The following NCOR1 variants were observed in gnomAD, a reference collection of about 807,000 sequenced individuals.
NCOR1 encodes the protein protein phosphatase 1, regulatory subunit 109.
In NCOR1, 63 loss-of-function variants were observed where a neutral mutation model predicts 288.1. That is an observed-to-expected ratio of 0.22 (90% CI 0.18 to 0.27). The LOEUF (loss-of-function observed/expected upper bound fraction) is 0.27, where lower values mean the gene tolerates loss of function less well. NCOR1 is among the 10% of genes least tolerant of loss of function. The pLI, the probability that NCOR1 is intolerant of heterozygous loss-of-function variation, is 1.00. For synonymous variants in NCOR1, 1,007 were observed against 1,065.9 expected (o/e 0.94, Z 1.08); for missense variants, 2,397 against 3,019.2 (o/e 0.79, Z 4.83).
At chr17:16,047,896 C>G (rs1287792834) in intron 41 of NCOR1, among the ~76,000 whole-genome samples, 1 of 152,114 alleles carries the variant, frequency 6.6e-6, no homozygotes, top group Non-Finnish European at 1.5e-5. Flanking sequence ...TCCCTGTCCT[C>G]AAAACACTCA....
At chr17:16,155,279 A>G (rs1470481307) in intron 6 of NCOR1, among the ~76,000 whole-genome samples, 5 of 146,672 alleles carry the variant, frequency 3.4e-5, no homozygotes, top group Non-Finnish European at 1.5e-5. Flanking sequence ...TGAACCCGGG[A>G]GGTGGAGGTT....
chr17:16,060,249 A>C (rs2060405001), intron 37 of NCOR1, among the ~76,000 whole-genome samples: 1 of 152,254 alleles, frequency 6.6e-6, no homozygotes, highest in African/African-American at 2.4e-5. Context: ...ATGGACACTC[A>C]GAAAAGATGA....
At chr17:16,076,764 A>G (rs1598269928) in intron 26 of NCOR1, among the ~76,000 whole-genome samples, 2 of 152,124 alleles carry the variant, frequency 1.3e-5, no homozygotes, top group Non-Finnish European at 2.9e-5. Flanking sequence ...GCTCCAAAAC[A>G]CTTCCCAAAG....
intron 4 of NCOR1, among the ~76,000 whole-genome samples, chr17:16,168,884 T>C (rs1253317119): frequency 6.6e-6 from 1 of 151,648 alleles, no homozygotes; most frequent in Non-Finnish European, 1.5e-5. Context: ...GGCAGGAGAA[T>C]TGCTGGGAGG....
chr17:16,036,133 T>G (rs927206919), intron 44 of NCOR1, among the ~76,000 whole-genome samples: 1 of 152,256 alleles, frequency 6.6e-6, no homozygotes, highest in Non-Finnish European at 1.5e-5. Context: ...AATTATTCCT[T>G]GATCCATGGG....
chr17:16,118,372 C>T (rs1358349779), intron 17 of NCOR1, among the ~76,000 whole-genome samples: 1 of 152,066 alleles, frequency 6.6e-6, no homozygotes, highest in Non-Finnish European at 1.5e-5. Context: ...GATCTCTGGA[C>T]ACAATATATC....
intron 14 of NCOR1, among the ~76,000 whole-genome samples, chr17:16,127,597 G>A (rs1201980979): frequency 7.3e-6 from 1 of 136,210 alleles, no homozygotes; most frequent in African/African-American, 2.8e-5. Flanking sequence ...ATATATGTAT[G>A]TATACATACA....
rs182651791 is a variant in NCOR1 at position 16,087,177 on chromosome 17, G to A, written c.3017-735C>T. 13 of 1,303,680 alleles carry A rather than the reference G, an allele frequency of 1.0e-5. No homozygotes were observed. In the African/African-American group the frequency reaches 1.1e-4, roughly 11 times the overall value. 80.8% of individuals were successfully genotyped at this position (1,303,680 alleles called of 1,614,324 possible). On this transcript the variant is annotated intron_variant, in intron 22 of 45. Coordinates refer to ENST00000268712, the MANE Select transcript of NCOR1 (RefSeq NM_006311.4). ...CACAGAGGAGTGATATTTACCTGGC[G>A]GGACACTATAGCGGGCTGCACTCAT...
At chr17:16,148,541 C>A (rs2078336112) in intron 9 of NCOR1, among the ~76,000 whole-genome samples, 1 of 151,604 alleles carries the variant, frequency 6.6e-6, no homozygotes. Context: ...AAAATACAAA[C>A]CTTACAGTGT....
chr17:16,110,459 C>T (rs916249400), intron 18 of NCOR1, among the ~76,000 whole-genome samples: 8 of 152,128 alleles, frequency 5.3e-5, no homozygotes, highest in Non-Finnish European at 5.9e-5. Flanking sequence ...GCTCATTCTT[C>T]TACTGGGGTC....
chr17:16,117,298 A>G (rs1165420855), intron 18 of NCOR1, among the ~76,000 whole-genome samples: 1 of 152,106 alleles, frequency 6.6e-6, no homozygotes, highest in Non-Finnish European at 1.5e-5. Flanking sequence ...CTTTACTACA[A>G]ATAGAAACTT....
In NCOR1 at chr17:16,118,602, C is replaced by T. The variant is rs1262757776; in HGVS notation, c.1916-575G>A. ...CAATATATATATGCACACACATAAACACACACATACGTGCAAAGAATATGT... is the reference window on the plus strand; with the variant it reads ...CAATATATATATGCACACACATAAATACACACATACGTGCAAAGAATATGT... On this transcript the variant is annotated intron_variant, in intron 17 of 45. Coordinates refer to ENST00000268712, the MANE Select transcript of NCOR1 (RefSeq NM_006311.4). Among the ~76,000 whole-genome samples, 3 of 152,088 alleles carry T rather than the reference C, an allele frequency of 2.0e-5. No homozygotes were observed. The East Asian group carries it at 5.8e-4, about 29-fold the overall frequency.
chr17:16,201,364 C>G (rs962931500), intron 1 of NCOR1, among the ~76,000 whole-genome samples: 1 of 150,130 alleles, frequency 6.7e-6, no homozygotes, highest in African/African-American at 2.5e-5. Context: ...TTTGGGAGGC[C>G]GAGGCAAGTG....
chr17:16,055,774 C>CTA (rs2059842586), intron 40 of NCOR1, among the ~76,000 whole-genome samples: 1 of 152,160 alleles, frequency 6.6e-6, no homozygotes, highest in Admixed American at 6.5e-5. Context: ...CATGACAATG[C>CTA]TATATAGTTT....
chr17:16,039,647 A>G lies in NCOR1; in HGVS notation c.6741T>C (p.Val2247=). ...NLPAVTTSGS[V]SSRGHSFADP... The stretch of plus-strand genomic sequence containing the variant: ...CAGCAAAAGAATGGCCTCTAGAGCT[A>G]ACTGAGCCTGAAAGAGAATCAAAAA... Residue 2247 remains valine, a synonymous_variant, in exon 44 of 46, where the codon GTT becomes GTC. Transcript: ENST00000268712. The G allele has an allele frequency of 6.2e-7, 1 of 1,613,600 alleles. No homozygotes were observed. Among genetic ancestry groups the G allele is most frequent in the Non-Finnish European group, 8.5e-7 (1 of 1,179,698 alleles).
intron 6 of NCOR1, among the ~76,000 whole-genome samples, chr17:16,157,355 A>C (rs2079982596): frequency 6.6e-6 from 1 of 152,180 alleles, no homozygotes; most frequent in African/African-American, 2.4e-5. Context: ...CCATATTTTT[A>C]CCTGCCCATA....
chr17:16,088,994 C>G (rs1164948337), intron 22 of NCOR1, among the ~76,000 whole-genome samples: 1 of 151,720 alleles, frequency 6.6e-6, no homozygotes, highest in African/African-American at 2.4e-5. Context: ...ATAACCAACT[C>G]CAAAAGAAAA....
At chr17:16,130,158 C>T (rs2075373315) in intron 14 of NCOR1, among the ~76,000 whole-genome samples, 1 of 152,164 alleles carries the variant, frequency 6.6e-6, no homozygotes, top group Admixed American at 6.5e-5. Flanking sequence ...CAGTGGTGAG[C>T]GGAGAGGAAG....
At chr17:16,050,817 T>C (rs2059222803) in intron 40 of NCOR1, among the ~76,000 whole-genome samples, 1 of 151,964 alleles carries the variant, frequency 6.6e-6, no homozygotes, top group African/African-American at 2.4e-5. Flanking sequence ...TTCTCTGTTG[T>C]TGCCCATTTT....
Sources: gnomAD v4.1 joint callset for allele counts (sites outside exome capture counted in the v4.1 genomes callset) on GRCh38, gnomAD v4.1.1 for gene constraint, MANE v1.5 for transcripts, NCBI Gene and HGNC (gene_info 2026-07-23, HGNC 2026-07-21) for gene names.